The following SPOCK1 variants were observed in gnomAD, a reference collection of about 807,000 sequenced individuals.
The protein encoded by SPOCK1 is testican-1.
Under a neutral mutation model 55.3 loss-of-function variants are expected in SPOCK1, and 23 were observed. That is an observed-to-expected ratio of 0.42 (90% CI 0.30 to 0.59). The LOEUF is 0.59. Among genes scored for constraint, SPOCK1 ranks in the 20% least tolerant of loss-of-function variants. The pLI is 0.22. For missense variants in SPOCK1, 499 were observed against 552.5 expected (o/e 0.90, Z 0.97); for synonymous variants, 226 against 221.0 (o/e 1.02, Z -0.20).
intron 6 of SPOCK1, among the ~76,000 whole-genome samples, chr5:137,016,320 C>A (rs765551097): frequency 2.0e-5 from 3 of 152,152 alleles, no homozygotes; most frequent in Non-Finnish European, 4.4e-5. Context: ...GAAGGTCATG[C>A]AATACCGCAA....
chr5:137,140,582 G>A lies in SPOCK1; in HGVS notation c.345C>T (p.Pro115=). ...ALCVSRKHLL[P]RQKKGNVAQK... ...AGCCCCCGGCCTTCCTGCCTTACCT[G>A]GGGAGCAGGTGCTTGCGGCTGACAC... Residue 115 remains proline (P), a splice_region_variant and synonymous_variant, in exon 4 of 11, where the codon CCC becomes CCT. Coordinates refer to ENST00000394945, the MANE Select transcript of SPOCK1 (RefSeq NM_004598.4). 1 of 1,612,476 alleles carries A rather than the reference G, an allele frequency of 6.2e-7. No individual in the cohort carries two copies. The highest frequency in any genetic ancestry group is 8.5e-7 in the Non-Finnish European group (1 of 1,179,380).
rs116855353 is a variant in SPOCK1, at chr5:137,034,505, G to A, written c.589+33210C>T. The stretch of plus-strand genomic sequence containing the variant: ...CTGTGATGATGGCAGATGGCATGAC[G>A]GTGCACTCACTGTATTCCAAGCCCT... On this transcript the variant is annotated intron_variant, in intron 6 of 10. Transcript: ENST00000394945. 3.5e-4 allele frequency among the ~76,000 whole-genome samples: 53 copies of A among 152,228 alleles called. 2 individuals are homozygous for A. The East Asian group carries it at 9.9e-3, about 28-fold the overall frequency.
chr5:137,071,024 T>C (rs1475768838), intron 5 of SPOCK1, among the ~76,000 whole-genome samples: 3 of 150,430 alleles, frequency 2.0e-5, no homozygotes. Flanking sequence ...AATTTCTTTT[T>C]TTTTTTTTTT....
At chr5:137,327,567 C>T (rs963204002) in intron 2 of SPOCK1, among the ~76,000 whole-genome samples, 1 of 152,150 alleles carries the variant, frequency 6.6e-6, no homozygotes, top group African/African-American at 2.4e-5. Flanking sequence ...AGGAAGCTCC[C>T]CAGCCTTTCA....
chr5:137,287,185 T>G (rs995203271), intron 2 of SPOCK1, among the ~76,000 whole-genome samples: 1 of 152,184 alleles, frequency 6.6e-6, no homozygotes, highest in Non-Finnish European at 1.5e-5. Context: ...AAGTCCCCAC[T>G]TGGCTGCCAT....
intron 2 of SPOCK1, among the ~76,000 whole-genome samples, chr5:137,327,590 T>C (rs937380123): frequency 6.6e-6 from 1 of 152,234 alleles, no homozygotes; most frequent in East Asian, 1.9e-4. Flanking sequence ...AGTCTTTCAA[T>C]GGTGTCTTGC....
chr5:137,430,668 A>G (rs1752725096), intron 2 of SPOCK1, among the ~76,000 whole-genome samples: 1 of 152,184 alleles, frequency 6.6e-6, no homozygotes, highest in South Asian at 2.1e-4. Flanking sequence ...GAAGATTTTG[A>G]CATAAAATTT....
At chr5:137,072,345 T>G (rs1318132933) in intron 5 of SPOCK1, among the ~76,000 whole-genome samples, 1 of 152,188 alleles carries the variant, frequency 6.6e-6, no homozygotes, top group Non-Finnish European at 1.5e-5. Flanking sequence ...CCCATACTCA[T>G]ACACAACATA....
At chr5:137,004,698 GA>G (rs1227557961) in intron 6 of SPOCK1, among the ~76,000 whole-genome samples, 3 of 151,498 alleles carry the variant, frequency 2.0e-5, no homozygotes, top group East Asian at 1.9e-4. Context: ...ATGTACCCAG[GA>G]AAAAAAACCT....
intron 4 of SPOCK1, among the ~76,000 whole-genome samples, chr5:137,115,533 A>G (rs1305175547): frequency 6.6e-6 from 1 of 152,222 alleles, no homozygotes; most frequent in Non-Finnish European, 1.5e-5. Context: ...CCTGCAGAGC[A>G]GCAAGCTGGA....
intron 5 of SPOCK1, among the ~76,000 whole-genome samples, chr5:137,070,620 T>C (rs1561598278): frequency 6.6e-6 from 1 of 152,176 alleles, no homozygotes; most frequent in Non-Finnish European, 1.5e-5. Flanking sequence ...ACTCACCACA[T>C]TCATCCTAAA....
chr5:137,279,488 A>G (rs750711802), intron 2 of SPOCK1, among the ~76,000 whole-genome samples: 2 of 152,216 alleles, frequency 1.3e-5, no homozygotes, highest in Non-Finnish European at 2.9e-5. Context: ...GAGAGAGGAC[A>G]TTGCATTCAG....
chr5:137,463,493 C>A (rs9327791), intron 2 of SPOCK1, among the ~76,000 whole-genome samples: 43,590 of 134,372 alleles, frequency 0.32, 6,752 homozygotes, highest in Middle Eastern at 0.46. Flanking sequence ...GATAGAGAGT[C>A]GAAAGATAGT....
At chr5:137,053,649 C>G (rs998730376) in intron 6 of SPOCK1, among the ~76,000 whole-genome samples, 2 of 128,648 alleles carry the variant, frequency 1.6e-5, no homozygotes, top group African/African-American at 6.1e-5. Context: ...GCTCAGTCAT[C>G]CTTAATGGGT....
At chr5:137,487,349 A>AC (rs1754081057) in intron 2 of SPOCK1, among the ~76,000 whole-genome samples, 1 of 151,722 alleles carries the variant, frequency 6.6e-6, no homozygotes, top group South Asian at 2.1e-4. Flanking sequence ...AAAAAAAAAA[A>AC]AAAAACCTCT....
At chr5:137,308,019 C>T (rs1191006280) in intron 2 of SPOCK1, among the ~76,000 whole-genome samples, 1 of 152,172 alleles carries the variant, frequency 6.6e-6, no homozygotes, top group Non-Finnish European at 1.5e-5. Flanking sequence ...ATGATATACA[C>T]AAAGGGCTGA....
chr5:137,377,415 G>A (rs1751342912), intron 2 of SPOCK1, among the ~76,000 whole-genome samples: 1 of 152,184 alleles, frequency 6.6e-6, no homozygotes, highest in African/African-American at 2.4e-5. Flanking sequence ...TTCCTCCTGA[G>A]TCTTATAAAT....
At chr5:137,028,108 G>A (rs1751710688) in intron 6 of SPOCK1, among the ~76,000 whole-genome samples, 1 of 152,182 alleles carries the variant, frequency 6.6e-6, no homozygotes, top group African/African-American at 2.4e-5. Flanking sequence ...TTTAAGTCAG[G>A]TGACTCTGAC....
chr5:137,322,358 C>T (rs1331354367), intron 2 of SPOCK1, among the ~76,000 whole-genome samples: 1 of 148,960 alleles, frequency 6.7e-6, no homozygotes, highest in Non-Finnish European at 1.5e-5. Context: ...AACACACACA[C>T]ACACAAAACT....
Sources: allele counts gnomAD v4.1 joint callset (sites outside exome capture counted in the v4.1 genomes callset), GRCh38; gene constraint gnomAD v4.1.1; transcripts MANE v1.5; gene names NCBI Gene and HGNC (gene_info 2026-07-23, HGNC 2026-07-21).